PFKFB3: variants seen among roughly 807,000 people sequenced by gnomAD.
The protein encoded by PFKFB3 is 6-phosphofructo-2-kinase/fructose-2,6-bisphosphatase 3.
Under a neutral mutation model 68.0 loss-of-function variants are expected in PFKFB3, and 33 were observed. The observed-to-expected ratio is 0.49, with a 90% CI of 0.37 to 0.65. The LOEUF is 0.65. Ranked by LOEUF, PFKFB3 falls within the 30% of genes least tolerant of loss-of-function variation. PFKFB3 has a pLI of 0.00. For synonymous variants in PFKFB3, 315 were observed against 288.2 expected (o/e 1.09, Z -0.94); for missense variants, 586 against 712.2 (o/e 0.82, Z 2.02).
chr10:6,236,347 G>A (rs1846011720), downstream of PFKFB3, among the ~76,000 whole-genome samples: 1 of 152,218 alleles, frequency 6.6e-6, no homozygotes, highest in African/African-American at 2.4e-5. Flanking sequence ...GTGGAGCGTG[G>A]CAAACACCAT....
rs1845168196 is a variant in PFKFB3 at position 6,224,229 on chromosome 10, A to G, written c.1341+16A>G. 1 of 1,612,044 alleles carries G rather than the reference A, an allele frequency of 6.2e-7. No homozygotes were observed. Among genetic ancestry groups the G allele is most frequent in the Admixed American group, 1.7e-5 (1 of 60,004 alleles). On this transcript the variant is annotated intron_variant, in intron 13 of 14. Transcript: ENST00000379775. ...GAGGTCAGAGGTGAGTGGAGGCCCC[A>G]AGCCTCATCCTGGCCATCATCACAC...
intron 1 of PFKFB3, among the ~76,000 whole-genome samples, chr10:6,196,025 T>C (rs1213847233): frequency 1.3e-5 from 2 of 152,180 alleles, no homozygotes; most frequent in Admixed American, 1.3e-4. Context: ...CCTCTTTTGC[T>C]TTCATAAGGA....
chr10:6,182,695 C>G (rs556728298), intron 1 of PFKFB3, among the ~76,000 whole-genome samples: 1 of 152,322 alleles, frequency 6.6e-6, no homozygotes, highest in South Asian at 2.1e-4. Context: ...CCACACCAGG[C>G]TAAGAATCAG....
intron 14 of PFKFB3, among the ~76,000 whole-genome samples, chr10:6,252,930 T>C (rs1051167088): frequency 4.6e-5 from 7 of 152,214 alleles, no homozygotes; most frequent in Non-Finnish European, 7.3e-5. Context: ...TTTTTGTTTT[T>C]GTTTTTGAGA....
At chr10:6,277,256 C>G in the PFKFB3 span, among the ~76,000 whole-genome samples, 1 of 150,654 alleles carries the variant, frequency 6.6e-6, no homozygotes, top group Non-Finnish European at 1.5e-5. Flanking sequence ...TTTTTTGAGA[C>G]AGAGTATCGC....
At chr10:6,204,757 A>T (rs1379592734) in intron 1 of PFKFB3, among the ~76,000 whole-genome samples, 1 of 152,254 alleles carries the variant, frequency 6.6e-6, no homozygotes, top group East Asian at 1.9e-4. Context: ...TTAAATCCCC[A>T]GGGAGGTTTG....
chr10:6,279,399 C>G, the PFKFB3 span, among the ~76,000 whole-genome samples: 1 of 152,324 alleles, frequency 6.6e-6, no homozygotes, highest in South Asian at 2.1e-4. Context: ...GGGTTTCTAT[C>G]AACCTTGGGA....
At chr10:6,156,577 G>A (rs1480494881) in intron 1 of PFKFB3, among the ~76,000 whole-genome samples, 1 of 151,756 alleles carries the variant, frequency 6.6e-6, no homozygotes, top group Non-Finnish European at 1.5e-5. Flanking sequence ...GCACAATCTC[G>A]GCTCACTGCA....
chr10:6,213,480 G>A (rs943681937), intron 1 of PFKFB3, 143 bp from the exon 2 acceptor site: 24 of 899,216 alleles, frequency 2.7e-5, no homozygotes, highest in Admixed American at 2.4e-4. Flanking sequence ...GGTGGCCACC[G>A]TGCTCCCGCC....
intron 1 of PFKFB3, among the ~76,000 whole-genome samples, chr10:6,193,354 C>CA (rs1370589431): frequency 2.0e-5 from 3 of 152,052 alleles, no homozygotes; most frequent in Non-Finnish European, 4.4e-5. Flanking sequence ...GACCCTGTCT[C>CA]AAAAAAACAA....
chr10:6,326,545 G>T, the PFKFB3 span: 1 of 456,220 alleles, frequency 2.2e-6, no homozygotes, highest in African/African-American at 2.0e-5. Flanking sequence ...TTGTCTTCTA[G>T]ATATGGAGTT....
At chr10:6,286,745 A>C in the PFKFB3 span, among the ~76,000 whole-genome samples, 2 of 152,204 alleles carry the variant, frequency 1.3e-5, no homozygotes, top group Non-Finnish European at 2.9e-5. Context: ...TAGTGGGTTT[A>C]ATATCTACTG....
At chr10:6,179,529 C>T (rs1842643764) in intron 1 of PFKFB3, among the ~76,000 whole-genome samples, 1 of 152,192 alleles carries the variant, frequency 6.6e-6, no homozygotes, top group Non-Finnish European at 1.5e-5. Context: ...CTAGCGAGCC[C>T]CCCGGGAATG....
intron 1 of PFKFB3, among the ~76,000 whole-genome samples, chr10:6,150,368 C>A (rs1331328736): frequency 6.6e-6 from 1 of 152,132 alleles, no homozygotes; most frequent in Non-Finnish European, 1.5e-5. Flanking sequence ...TGCCTGTAAC[C>A]CAGCACGTTG....
chr10:6,167,388 T>A (rs1319176906), intron 1 of PFKFB3, among the ~76,000 whole-genome samples: 2 of 152,222 alleles, frequency 1.3e-5, no homozygotes, highest in Non-Finnish European at 2.9e-5. Flanking sequence ...GGGGTAACCC[T>A]TTCTGAGCTC....
At chr10:6,170,506 G>T (rs1842274744) in intron 1 of PFKFB3, among the ~76,000 whole-genome samples, 2 of 152,174 alleles carry the variant, frequency 1.3e-5, no homozygotes, top group African/African-American at 4.8e-5. Context: ...CCAGGAGTTT[G>T]AGACTGGCCT....
At position 6,226,182 on chromosome 10, in the gene PFKFB3, T is replaced by C. The variant is rs781342074; in HGVS notation, c.1342-10T>C. On this transcript the variant is annotated splice_polypyrimidine_tract_variant and intron_variant, in intron 13 of 14. Coordinates refer to ENST00000379775, the MANE Select transcript of PFKFB3 (RefSeq NM_004566.4). ...GTCGCCTTTCTCTCTTTTGTCTTTG[T>C]CTTGCTTAGGATGCAAAGAAGGGAC... 1 of 1,561,980 alleles carries C rather than the reference T, an allele frequency of 6.4e-7. No homozygotes were observed. The highest frequency in any genetic ancestry group is 8.7e-7 in the Non-Finnish European group (1 of 1,155,044).
chr10:6,146,042 G>A (rs1020532161), intron 1 of PFKFB3, among the ~76,000 whole-genome samples: 15 of 152,306 alleles, frequency 9.8e-5, no homozygotes, highest in African/African-American at 3.6e-4. Context: ...GTCTGTTTGG[G>A]TTGGGAGGGG....
At chr10:6,146,851 C>A (rs969569966) in intron 1 of PFKFB3, among the ~76,000 whole-genome samples, 1 of 152,216 alleles carries the variant, frequency 6.6e-6, no homozygotes, top group African/African-American at 2.4e-5. Context: ...TGGTTATTAT[C>A]ATTGTTTAAT....
Sources: allele counts gnomAD v4.1 joint callset (sites outside exome capture counted in the v4.1 genomes callset), GRCh38; gene constraint gnomAD v4.1.1; transcripts MANE v1.5; gene names NCBI Gene and HGNC (gene_info 2026-07-23, HGNC 2026-07-21).